SETBP1: variants seen among roughly 807,000 people sequenced by gnomAD.
The protein encoded by SETBP1 is SET binding protein 1.
Under a neutral mutation model 101.0 loss-of-function variants are expected in SETBP1, and 9 were observed. The observed-to-expected ratio is 0.09, with a 90% CI of 0.05 to 0.16. The LOEUF is 0.16. Among genes scored for constraint, SETBP1 ranks in the 10% least tolerant of loss-of-function variants. The pLI, the probability that SETBP1 is intolerant of heterozygous loss-of-function variation, is 1.00. For missense variants in SETBP1, 1,858 were observed against 2,033.8 expected (o/e 0.91, Z 1.66); for synonymous variants, 818 against 788.5 (o/e 1.04, Z -0.63).
At chr18:45,033,363 CT>C (rs1343983254) in intron 4 of SETBP1, among the ~76,000 whole-genome samples, 4 of 152,202 alleles carry the variant, frequency 2.6e-5, no homozygotes, top group Non-Finnish European at 5.9e-5. Context: ...TCTTCTGTGC[CT>C]TTATTTCCTT....
chr18:44,906,208 G>A (rs2070171872), intron 3 of SETBP1, among the ~76,000 whole-genome samples: 1 of 152,120 alleles, frequency 6.6e-6, no homozygotes, highest in Admixed American at 6.6e-5. Flanking sequence ...CTGATTCTTG[G>A]AACTTAAGTG....
At chr18:44,718,645 T>C (rs1256003086) in intron 2 of SETBP1, among the ~76,000 whole-genome samples, 1 of 152,178 alleles carries the variant, frequency 6.6e-6, no homozygotes, top group Non-Finnish European at 1.5e-5. Flanking sequence ...TGCCAGGCAG[T>C]ACTATGGAGA....
chr18:44,875,074 G>A (rs750211671), intron 3 of SETBP1, among the ~76,000 whole-genome samples: 12 of 152,120 alleles, frequency 7.9e-5, no homozygotes, highest in Non-Finnish European at 1.2e-4. Flanking sequence ...AGAGTCTTCC[G>A]ACAGCTCTTT....
At position 44,861,229 on chromosome 18, in the gene SETBP1, C is replaced by CTT. The variant is rs775284488; in HGVS notation, c.487-7975_487-7974dup. ...GTCTTGTGGATTTCCTTTTTCTTTT[C>CTT]TTTTTTTTTTTTTTTTTTTTTTTTT... On this transcript the variant is annotated intron_variant, in intron 2 of 5. Coordinates refer to ENST00000649279, the MANE Select transcript of SETBP1 (RefSeq NM_015559.3). 7.6e-4 allele frequency among the ~76,000 whole-genome samples: 67 copies of CTT among 88,338 alleles called. 4 individuals carry two copies. Among genetic ancestry groups the CTT allele is most frequent in the African/African-American group, 1.4e-3 (31 of 22,826 alleles). The allele number at this position is 88,338 out of a possible 152,430, so 58.0% of individuals were successfully genotyped here.
intron 4 of SETBP1, among the ~76,000 whole-genome samples, chr18:44,995,496 G>A (rs2072475462): frequency 6.7e-6 from 1 of 149,990 alleles, no homozygotes; most frequent in Admixed American, 6.6e-5. Context: ...TTAATATGAA[G>A]ACCACATTTT....
chr18:45,000,123 G>A (rs1225182467), intron 4 of SETBP1, among the ~76,000 whole-genome samples: 5 of 152,224 alleles, frequency 3.3e-5, no homozygotes, highest in Non-Finnish European at 5.9e-5. Flanking sequence ...GCCAACAAAG[G>A]AAATCAGGTG....
chr18:44,813,597 AG>A (rs2071910268), intron 2 of SETBP1, among the ~76,000 whole-genome samples: 2 of 152,198 alleles, frequency 1.3e-5, no homozygotes, highest in South Asian at 4.1e-4. Context: ...AATTCCATCT[AG>A]GCTCTACATT....
chr18:44,729,761 T>C (rs2069793567), intron 2 of SETBP1, among the ~76,000 whole-genome samples: 3 of 152,134 alleles, frequency 2.0e-5, no homozygotes, highest in African/African-American at 7.2e-5. Flanking sequence ...GAGAGATCTT[T>C]GGAGATTACA....
At chr18:44,883,163 G>A (rs1027659920) in intron 3 of SETBP1, among the ~76,000 whole-genome samples, 2 of 152,136 alleles carry the variant, frequency 1.3e-5, no homozygotes, top group African/African-American at 4.8e-5. Flanking sequence ...TTGTCTGTAA[G>A]GAGATTCATT....
chr18:44,771,712 T>A (rs536467585), intron 2 of SETBP1, among the ~76,000 whole-genome samples: 52 of 152,090 alleles, frequency 3.4e-4, no homozygotes, highest in Non-Finnish European at 6.6e-4. Flanking sequence ...GGAGGCAGGG[T>A]TGTGCCCTGA....
At chr18:44,767,864 C>A (rs895675892) in intron 2 of SETBP1, among the ~76,000 whole-genome samples, 54 of 152,224 alleles carry the variant, frequency 3.5e-4, no homozygotes, top group African/African-American at 1.3e-3. Context: ...TCTCAGCACC[C>A]AATCTTCTGC....
chr18:44,712,953 CTTTTTTTTTTTT>C (rs11323504), intron 2 of SETBP1, among the ~76,000 whole-genome samples: 2 of 64,926 alleles, frequency 3.1e-5, no homozygotes, highest in African/African-American at 6.2e-5. Flanking sequence ...CAGCATCCCT[CTTTTTTTTTTTT>C]TTTTTTTTTT....
intron 2 of SETBP1, among the ~76,000 whole-genome samples, chr18:44,816,764 T>C (rs2071988160): frequency 1.3e-5 from 2 of 152,148 alleles, no homozygotes; most frequent in South Asian, 4.1e-4. Context: ...TTCTTCTGGA[T>C]CCAGTTCTAA....
chr18:44,695,541 G>A (rs1693920996), intron 1 of SETBP1, among the ~76,000 whole-genome samples: 1 of 152,204 alleles, frequency 6.6e-6, no homozygotes, highest in Admixed American at 6.5e-5. Flanking sequence ...AAAAGTTCTA[G>A]CCTGAGAATT....
chr18:44,969,910 G>A (rs1358656715), intron 4 of SETBP1, among the ~76,000 whole-genome samples: 2 of 152,112 alleles, frequency 1.3e-5, no homozygotes, highest in Non-Finnish European at 2.9e-5. Flanking sequence ...AGGTGTAGGT[G>A]CACCTGGAAA....
intron 2 of SETBP1, among the ~76,000 whole-genome samples, chr18:44,774,205 A>G (rs552374444): frequency 1.3e-5 from 2 of 152,232 alleles, no homozygotes; most frequent in Admixed American, 1.3e-4. Flanking sequence ...GCCTCTTTTG[A>G]TGTACGCATG....
At chr18:44,763,882 T>C (rs951323767) in intron 2 of SETBP1, among the ~76,000 whole-genome samples, 12 of 152,214 alleles carry the variant, frequency 7.9e-5, no homozygotes, top group Middle Eastern at 3.2e-3. Flanking sequence ...CCTCTAAACA[T>C]TGGAGTGCCT....
chr18:44,738,522 C>G lies in SETBP1; in HGVS notation c.486+36690C>G, dbSNP rs997959288. On this transcript the variant is annotated intron_variant, in intron 2 of 5. Coordinates refer to ENST00000649279, the MANE Select transcript of SETBP1 (RefSeq NM_015559.3). The stretch of plus-strand genomic sequence containing the variant: ...AGCGCTGTGGCTCACACCTGTAATC[C>G]CAGCACTTTGGGAGGCCGAGGCAGG... 2.0e-4 allele frequency among the ~76,000 whole-genome samples: 31 copies of G among 152,120 alleles called. 1 individual carries two copies. Among genetic ancestry groups the G allele is most frequent in the Admixed American group, 2.0e-3 (31 of 15,280 alleles).
At chr18:44,781,553 C>A (rs989686534) in intron 2 of SETBP1, among the ~76,000 whole-genome samples, 29 of 144,094 alleles carry the variant, frequency 2.0e-4, no homozygotes, top group African/African-American at 7.3e-4. Context: ...AGGTCCACAT[C>A]ATTTTCATTT....
Sources: allele counts gnomAD v4.1 joint callset (sites outside exome capture counted in the v4.1 genomes callset), GRCh38; gene constraint gnomAD v4.1.1; transcripts MANE v1.5; gene names NCBI Gene and HGNC (gene_info 2026-07-23, HGNC 2026-07-21).